The following TVP23B variants were observed in gnomAD, a reference collection of about 807,000 sequenced individuals.
TVP23B encodes the protein Golgi apparatus membrane protein TVP23 homolog B.
TVP23B carries 10 observed loss-of-function variants against 30.6 expected under a neutral mutation model. The observed-to-expected ratio is 0.33, with a 90% CI of 0.20 to 0.55. The LOEUF (loss-of-function observed/expected upper bound fraction) is 0.55. Ranked by LOEUF, TVP23B falls within the 20% of genes least tolerant of loss-of-function variation. TVP23B has a pLI of 0.91. For missense variants in TVP23B, 153 were observed against 243.2 expected (o/e 0.63, Z 2.47); for synonymous variants, 67 against 83.1 (o/e 0.81, Z 1.06).
chr17:18,800,116 GTTTTGC>G (rs2036137282), intron 5 of TVP23B, among the ~76,000 whole-genome samples: 1 of 151,654 alleles, frequency 6.6e-6, no homozygotes, highest in Non-Finnish European at 1.5e-5. Context: ...TACCTCTAGA[GTTTTGC>G]TTATTATAGT....
At chr17:18,783,850 A>C (rs2035853114) in intron 1 of TVP23B, among the ~76,000 whole-genome samples, 1 of 152,182 alleles carries the variant, frequency 6.6e-6, no homozygotes, top group Non-Finnish European at 1.5e-5. Flanking sequence ...CTCTTACCTT[A>C]AAAAATGAAA....
At chr17:18,795,201 A>G (rs2036059819) in intron 3 of TVP23B, among the ~76,000 whole-genome samples, 2 of 151,316 alleles carry the variant, frequency 1.3e-5, no homozygotes, top group South Asian at 4.2e-4. Context: ...GAATTTTTGT[A>G]TTTTTAGTAG....
At chr17:18,787,211 G>A (rs1191254522) in intron 1 of TVP23B, among the ~76,000 whole-genome samples, 4 of 152,170 alleles carry the variant, frequency 2.6e-5, no homozygotes, top group African/African-American at 7.2e-5. Context: ...CCTGGCCAAC[G>A]TGGTGAGACT....
chr17:18,800,907 T>G (rs1286926291), intron 5 of TVP23B, among the ~76,000 whole-genome samples: 1 of 152,238 alleles, frequency 6.6e-6, no homozygotes, highest in East Asian at 1.9e-4. Flanking sequence ...ATTCAGCAAT[T>G]TTAAGAGTTC....
At chr17:18,796,559 A>G (rs1378627428) in intron 3 of TVP23B, 1 of 151,976 alleles carries the variant, frequency 6.6e-6, no homozygotes, top group African/African-American at 2.4e-5. Flanking sequence ...CAAAAAACAA[A>G]ACCAAACAAA....
intron 1 of TVP23B, among the ~76,000 whole-genome samples, chr17:18,785,337 T>G (rs1249173874): frequency 1.3e-5 from 2 of 152,170 alleles, no homozygotes. Flanking sequence ...GTGTCCGTGG[T>G]CTTCCCCATC....
At chr17:18,800,292 T>G (rs1222454593) in intron 5 of TVP23B, among the ~76,000 whole-genome samples, 1 of 152,124 alleles carries the variant, frequency 6.6e-6, no homozygotes, top group Non-Finnish European at 1.5e-5. Flanking sequence ...CCAATGTTAT[T>G]TTTGTGTTAC....
chr17:18,805,236 C>T (rs1326873433), intron 6 of TVP23B, among the ~76,000 whole-genome samples: 7 of 151,818 alleles, frequency 4.6e-5, no homozygotes, highest in Admixed American at 2.6e-4. Context: ...CTACAGGCGC[C>T]GCCACCACGC....
At chr17:18,803,365 TTA>T (rs2151852654) in intron 5 of TVP23B, among the ~76,000 whole-genome samples, 1 of 152,332 alleles carries the variant, frequency 6.6e-6, no homozygotes, top group Admixed American at 6.5e-5. Context: ...TCTGAAATAT[TTA>T]TGATTTGACC....
chr17:18,795,184 G>A (rs545081425), intron 3 of TVP23B, among the ~76,000 whole-genome samples: 18 of 151,630 alleles, frequency 1.2e-4, no homozygotes, highest in Non-Finnish European at 2.5e-4. Flanking sequence ...GCACCACCAT[G>A]CCTAGCGAAT....
intron 1 of TVP23B, among the ~76,000 whole-genome samples, chr17:18,786,823 G>A (rs962572936): frequency 6.7e-6 from 1 of 150,130 alleles, no homozygotes; most frequent in African/African-American, 2.5e-5. Context: ...CAAACTTCCT[G>A]TATTCCCACC....
chr17:18,796,747 A>G (rs1647506530), intron 3 of TVP23B: 1 of 152,226 alleles, frequency 6.6e-6, no homozygotes, highest in Admixed American at 6.5e-5. Flanking sequence ...AAATGAAGGT[A>G]ACATTTTTTT....
intron 3 of TVP23B, 77 bp downstream of exon 3, chr17:18,791,117 A>G (rs2035986064): frequency 7.1e-7 from 1 of 1,412,286 alleles, no homozygotes. Context: ...AGCATTTTGC[A>G]TTATTGTTAA....
At chr17:18,785,944 G>T (rs1223938728) in intron 1 of TVP23B, among the ~76,000 whole-genome samples, 1 of 152,118 alleles carries the variant, frequency 6.6e-6, no homozygotes, top group Non-Finnish European at 1.5e-5. Context: ...GTGGTCAGAA[G>T]TCCAGAATGA....
In TVP23B at chr17:18,804,238, C is replaced by T. The variant is rs776167858; in HGVS notation, c.563C>T (p.Ser188Leu). 19 of 1,605,996 alleles carry T rather than the reference C, an allele frequency of 1.2e-5. No individual in the cohort carries two copies. The highest frequency in any genetic ancestry group is 1.5e-5 in the Non-Finnish European group (18 of 1,174,952). ...AAGCATTTAACCAGCATGGCTACTT[C>T]ATATTTTGGAAAGCAGTTTTTAAGA... Reference protein sequence around the residue: ...SRKHLTSMATSYFGKQFLRQN... With the variant: ...SRKHLTSMATLYFGKQFLRQN... The change falls in exon 6 of 7, where the codon TCA (serine) becomes TTA (leucine). Residue 188 changes from serine (S) to leucine (L), a missense_variant. Coordinates refer to ENST00000307767, the MANE Select transcript of TVP23B (RefSeq NM_016078.6).
chr17:18,805,283 A>C (rs865821420), intron 6 of TVP23B, among the ~76,000 whole-genome samples: 3 of 151,522 alleles, frequency 2.0e-5, no homozygotes, highest in African/African-American at 4.9e-5. Flanking sequence ...ACGGGGTTTC[A>C]CCGTGTTAGC....
At chr17:18,793,612 A>T (rs1050517313) in intron 3 of TVP23B, among the ~76,000 whole-genome samples, 3 of 150,704 alleles carry the variant, frequency 2.0e-5, no homozygotes, top group African/African-American at 7.4e-5. Context: ...AAAAAAAAAA[A>T]TAATGGCAAC....
intron 1 of TVP23B, among the ~76,000 whole-genome samples, chr17:18,787,370 T>C (rs1266001649): frequency 7.7e-6 from 1 of 130,024 alleles, no homozygotes; most frequent in Non-Finnish European, 1.6e-5. Context: ...ACCACTGTAC[T>C]CCAGCCTGGG....
intron 1 of TVP23B, chr17:18,781,648 A>G: frequency 2.7e-6 from 1 of 374,264 alleles, no homozygotes; most frequent in East Asian, 4.2e-5. Flanking sequence ...CCTGACACCC[A>G]GGGGTGCGAT....
Sources: allele counts gnomAD v4.1 joint callset (sites outside exome capture counted in the v4.1 genomes callset), GRCh38; gene constraint gnomAD v4.1.1; transcripts MANE v1.5; gene names NCBI Gene and HGNC (gene_info 2026-07-23, HGNC 2026-07-21).